The following STPG1 variants were observed in gnomAD, a reference collection of about 807,000 sequenced individuals.
The protein encoded by STPG1 is sperm tail PG-rich repeat containing 1, also known as O(6)-methylguanine-induced apoptosis 2.
In STPG1, 33 loss-of-function variants were observed where a neutral mutation model predicts 40.1. The observed-to-expected ratio is 0.82, with a 90% CI of 0.62 to 1.10. The LOEUF (loss-of-function observed/expected upper bound fraction) is 1.10, where lower values mean the gene tolerates loss of function less well. Among genes scored for constraint, STPG1 ranks in the 50% least tolerant of loss-of-function variants. The probability of loss-of-function intolerance (pLI) is 0.00; values close to 1 mark genes in which losing one functional copy is unlikely to be tolerated. For missense variants in STPG1, 396 were observed against 415.1 expected (o/e 0.95, Z 0.40); for synonymous variants, 150 against 155.0 (o/e 0.97, Z 0.24).
intron 3 of STPG1, among the ~76,000 whole-genome samples, chr1:24,386,060 G>T (rs1383057733): frequency 1.3e-5 from 2 of 152,186 alleles, no homozygotes; most frequent in East Asian, 1.9e-4. Context: ...GGAGCTAGGG[G>T]TTCCAGACAA....
chr1:24,362,162 T>C (rs538469835), intron 7 of STPG1, among the ~76,000 whole-genome samples: 1 of 152,186 alleles, frequency 6.6e-6, no homozygotes, highest in Non-Finnish European at 1.5e-5. Flanking sequence ...GGACTTGGGA[T>C]TCCTGGCCAC....
intron 6 of STPG1, among the ~76,000 whole-genome samples, chr1:24,372,421 A>C (rs1029690665): frequency 1.2e-4 from 18 of 152,152 alleles, no homozygotes; most frequent in African/African-American, 4.3e-4. Context: ...TAGTACCCAC[A>C]CTTCCCCTCC....
At chr1:24,360,768 A>T in intron 8 of STPG1, 83 bp downstream of exon 8, 2 of 1,288,588 alleles carry the variant, frequency 1.6e-6, no homozygotes, top group Non-Finnish European at 2.1e-6. Flanking sequence ...ACAACCTATA[A>T]ATCAATGGCA....
At chr1:24,384,459 G>A (rs1352528046) in intron 3 of STPG1, among the ~76,000 whole-genome samples, 1 of 152,180 alleles carries the variant, frequency 6.6e-6, no homozygotes, top group South Asian at 2.1e-4. Context: ...AAACCAGGGA[G>A]TGTTTCTGTT....
intron 5 of STPG1, 102 bp from the exon 6 acceptor site, chr1:24,373,912 C>A: frequency 2.5e-6 from 2 of 812,120 alleles, no homozygotes; most frequent in South Asian, 3.1e-5. Context: ...AAAATCAAAC[C>A]GAAACCTGTC....
chr1:24,365,250 G>C (rs1218751083), intron 7 of STPG1, among the ~76,000 whole-genome samples: 1 of 152,208 alleles, frequency 6.6e-6, no homozygotes, highest in Non-Finnish European at 1.5e-5. Context: ...AAGACAGCGT[G>C]TCTGTGCAAA....
At chr1:24,381,036 C>G (rs1054265204) in intron 4 of STPG1, among the ~76,000 whole-genome samples, 1 of 152,080 alleles carries the variant, frequency 6.6e-6, no homozygotes, top group African/African-American at 2.4e-5. Flanking sequence ...TCAGGACAAC[C>G]CTGAGCAGTG....
chr1:24,387,681 T>C (rs1642574321), intron 3 of STPG1, among the ~76,000 whole-genome samples: 1 of 152,148 alleles, frequency 6.6e-6, no homozygotes, highest in South Asian at 2.1e-4. Flanking sequence ...AATGAGGTAA[T>C]AAATGCAAAG....
intron 5 of STPG1, among the ~76,000 whole-genome samples, chr1:24,374,715 C>A (rs1641940478): frequency 6.6e-6 from 1 of 152,106 alleles, no homozygotes; most frequent in Non-Finnish European, 1.5e-5. Context: ...ACCTCTGCCT[C>A]CCGGGCTTAA....
chr1:24,378,477 T>C (rs988425933), intron 5 of STPG1, among the ~76,000 whole-genome samples: 9 of 151,936 alleles, frequency 5.9e-5, no homozygotes, highest in Non-Finnish European at 1.2e-4. Flanking sequence ...CTACTAAAAA[T>C]ACAAAAAATT....
intron 1 of STPG1, among the ~76,000 whole-genome samples, chr1:24,402,892 C>A (rs1643281141): frequency 6.6e-6 from 1 of 152,046 alleles, no homozygotes; most frequent in Non-Finnish European, 1.5e-5. Context: ...ATATTTGCTC[C>A]CCGGCTGAGG....
At chr1:24,402,489 T>C (rs1643262468) in intron 1 of STPG1, among the ~76,000 whole-genome samples, 1 of 152,160 alleles carries the variant, frequency 6.6e-6, no homozygotes, top group Non-Finnish European at 1.5e-5. Flanking sequence ...GGGACAGCCA[T>C]TGTGGCTCAC....
At chr1:24,381,496 C>T (rs1184817340) in intron 4 of STPG1, among the ~76,000 whole-genome samples, 1 of 152,256 alleles carries the variant, frequency 6.6e-6, no homozygotes, top group Non-Finnish European at 1.5e-5. Flanking sequence ...CTCCTGCCAG[C>T]ATGCAAATAC....
chr1:24,412,823 G>C (rs1643766061), intron 1 of STPG1, among the ~76,000 whole-genome samples: 1 of 152,208 alleles, frequency 6.6e-6, no homozygotes, highest in African/African-American at 2.4e-5. Context: ...GCTGTGCTCA[G>C]AATATATTTC....
Position 24,369,705 on chromosome 1 carries a change from A to C in STPG1, c.706T>G (p.Cys236Gly). The C allele has an allele frequency of 6.3e-7, 1 of 1,599,382 alleles. No homozygotes were observed. Among genetic ancestry groups the C allele is most frequent in the Non-Finnish European group, 8.5e-7 (1 of 1,171,606 alleles). The change falls in exon 7 of 9, where the codon TGC becomes GGC. Residue 236 changes from cysteine to glycine, a missense_variant. Cys to Gly is a radical substitution (Grantham distance 159). Transcript: ENST00000337248. ...AGAGTCTTTTTTGGAACTTTTGTGC[A>C]ATCACTGGGGTTGTAATAACCAGGT... is the stretch of plus-strand genomic sequence containing the variant. ...PGPGYYNPSD[C>G]TKVPKKTLFP...
chr1:24,382,786 TA>T (rs536991802), intron 4 of STPG1, among the ~76,000 whole-genome samples: 4,407 of 148,384 alleles, frequency 0.03, 116 homozygotes, highest in Non-Finnish European at 0.039. Flanking sequence ...TTTGTGTGGT[TA>T]AAAAAAAAAA....
At chr1:24,364,249 C>T (rs1160458447) in intron 7 of STPG1, 33 of 1,548,560 alleles carry the variant, frequency 2.1e-5, no homozygotes, top group Non-Finnish European at 2.9e-5. Flanking sequence ...TGAATGTTCC[C>T]ATCCTGTGAC....
chr1:24,369,311 GA>G, intron 7 of STPG1: 4 of 481,906 alleles, frequency 8.3e-6, no homozygotes, highest in Non-Finnish European at 1.7e-5. Context: ...AGGGAATGAG[GA>G]AAGACTTAGT....
chr1:24,362,986 A>G (rs545823022), intron 7 of STPG1, among the ~76,000 whole-genome samples: 2 of 152,306 alleles, frequency 1.3e-5, no homozygotes, highest in African/African-American at 4.8e-5. Flanking sequence ...TCCCCCTTCA[A>G]AACACCTCCA....
Sources: gnomAD v4.1 joint callset for allele counts (sites outside exome capture counted in the v4.1 genomes callset) on GRCh38, gnomAD v4.1.1 for gene constraint, MANE v1.5 for transcripts, NCBI Gene and HGNC (gene_info 2026-07-23, HGNC 2026-07-21) for gene names.